Variants in ZNF219 observed in about 807,000 individuals in gnomAD.
ZNF219 encodes the protein zinc finger protein 219.
In ZNF219, 17 loss-of-function variants were observed where a neutral mutation model predicts 54.4. That is an observed-to-expected ratio of 0.31 (90% confidence interval 0.21 to 0.47). ZNF219 has a LOEUF of 0.47. Ranked by LOEUF, ZNF219 falls within the 20% of genes least tolerant of loss-of-function variation. The probability of loss-of-function intolerance (pLI) is 1.00; values close to 1 mark genes in which losing one functional copy is unlikely to be tolerated. For missense variants in ZNF219, 1,014 were observed against 1,062.3 expected (o/e 0.95, Z 0.63); for synonymous variants, 518 against 476.4 (o/e 1.09, Z -1.14).
upstream of ZNF219, chr14:21,101,433 G>A (rs1199167100): frequency 6.4e-7 from 1 of 1,551,490 alleles, no homozygotes; most frequent in Non-Finnish European, 8.7e-7. Context: ...GGCAGAGTGG[G>A]CACCTCTTGG....
In ZNF219 at chr14:21,092,546, C is replaced by T. The variant is rs922729014; in HGVS notation, c.751G>A (p.Glu251Lys). 1 of 1,545,800 alleles carries T rather than the reference C, an allele frequency of 6.5e-7. No individual in the cohort carries two copies. The highest frequency in any genetic ancestry group is 2.0e-5 in the Admixed American group (1 of 50,898). Residue 251 changes from glutamate to lysine, a missense_variant, in exon 3 of 5, where the codon GAG becomes AAG. Physicochemically the swap from Glu to Lys is moderately conservative, Grantham distance 56 (BLOSUM62 1). Coordinates refer to ENST00000360947, the MANE Select transcript of ZNF219 (RefSeq NM_016423.3). ...GTCGGGGTTGCCTCACGTTCGGGCT[C>T]CGGCTCCGGCTCCGGCTGGGGGACT... is the stretch of plus-strand genomic sequence containing the variant. ...RSVPQPEPEP[E>K]PEREATPTPA...
chr14:21,101,148 T>A (rs905351404), upstream of ZNF219: 2 of 504,250 alleles, frequency 4.0e-6, no homozygotes, highest in Non-Finnish European at 7.2e-6. Context: ...AGGACCCAGC[T>A]GGGTCCCATC....
intron 4 of ZNF219, 80 bp from the exon 5 acceptor site, chr14:21,091,220 C>G: frequency 6.6e-7 from 1 of 1,523,358 alleles, no homozygotes; most frequent in Non-Finnish European, 8.8e-7. Context: ...ATTTACAGAC[C>G]TCATTCTCAG....
chr14:21,101,990 A>G (rs1202066516), upstream of ZNF219: 3 of 1,550,868 alleles, frequency 1.9e-6, no homozygotes, highest in Non-Finnish European at 2.6e-6. Context: ...GACCCACCAC[A>G]AGGGAGGGTG....
chr14:21,094,507 G>A (rs1328966865), intron 1 of ZNF219: 1 of 432,094 alleles, frequency 2.3e-6, no homozygotes, highest in Non-Finnish European at 4.6e-6. Flanking sequence ...CAGGGGAGAG[G>A]CTCCCTCACA....
In ZNF219 at chr14:21,095,791, G is replaced by C. The variant is rs114879121; in HGVS notation, c.-83-2117C>G. ...CATAGAAAAAAACCCAGTGGTACCA[G>C]AGGGATTATTTTGGCCTTTTAGATG... On this transcript the variant is annotated intron_variant, in intron 1 of 4. Coordinates refer to ENST00000360947, the MANE Select transcript of ZNF219 (RefSeq NM_016423.3). 4.3e-3 allele frequency among the ~76,000 whole-genome samples: 652 copies of C among 152,274 alleles called. 4 individuals carry two copies. Among genetic ancestry groups the C allele is most frequent in the African/African-American group, 0.015 (632 of 41,556 alleles).
At chr14:21,102,957 A>G, upstream of ZNF219, 1 of 1,358,614 alleles carries the variant, frequency 7.4e-7, no homozygotes, top group African/African-American at 1.5e-5. Flanking sequence ...GGTGGGTAAG[A>G]GGAAACTGGG....
At chr14:21,091,595 GCCGCGCA>G in intron 3 of ZNF219, 53 bp from the exon 4 acceptor site, 2 of 1,555,814 alleles carry the variant, frequency 1.3e-6, no homozygotes, top group Non-Finnish European at 1.7e-6. Context: ...CTGTCCAGGT[GCCGCGCA>G]CCCACCCCAC....
Position 21,090,645 on chromosome 14 carries a change from T to A in ZNF219, c.2060A>T (p.Tyr687Phe), listed in dbSNP as rs1338594767. 1.2e-6 allele frequency: 2 copies of A among 1,612,540 alleles called. No homozygotes were observed. The highest frequency in any genetic ancestry group is 2.2e-5 in the East Asian group (1 of 44,862). The stretch of plus-strand genomic sequence containing the variant: ...GGTCTCTCCTGATGGTACTCGGGCA[T>A]AGGGCGGGGACGCGTCAGCCTGGGG... ...RPPQADASPPYARVPSGETPP... is the reference protein window; with the variant it reads ...RPPQADASPPFARVPSGETPP... Residue 687 changes from tyrosine (Y) to phenylalanine (F), a missense_variant, in exon 5 of 5, where the codon TAT becomes TTT. Around this residue, in one of 5 missense-constraint regions of ZNF219, gnomAD observed 281 missense variants for 271.2 expected, o/e 1.04. Coordinates refer to ENST00000360947, the MANE Select transcript of ZNF219 (RefSeq NM_016423.3). The surrounding 1 kb of genome is among the most constrained non-coding windows in gnomAD (Gnocchi z 4.4).
In ZNF219 at chr14:21,092,493, G is replaced by A; in HGVS notation, c.804C>T (p.Pro268=). The change falls in exon 3 of 5, where the codon CCC becomes CCT. Residue 268 remains proline (P), a synonymous_variant. Transcript: ENST00000360947. ...PTPAPAAPEE[P]PAPPEFRCQV... is the part of the protein sequence containing the mutation. ...GGCAGCGGAACTCCGGAGGCGCTGG[G>A]GGCTCCTCGGGAGCGGCAGGAGCTG... 1 of 1,552,086 alleles carries A rather than the reference G, an allele frequency of 6.4e-7. No individual in the cohort carries two copies.
chr14:21,102,724 A>G, upstream of ZNF219: 1 of 1,551,490 alleles, frequency 6.4e-7, no homozygotes. Flanking sequence ...TTGCTGAGCC[A>G]GAGGAAACCA....
chr14:21,093,939 AC>A (rs909663878), intron 1 of ZNF219: 4 of 406,768 alleles, frequency 9.8e-6, no homozygotes, highest in Admixed American at 7.3e-5. Context: ...CTACCACCCC[AC>A]CCCCTGGCGG....
At chr14:21,102,767 A>G, upstream of ZNF219, 1 of 1,550,252 alleles carries the variant, frequency 6.5e-7, no homozygotes, top group South Asian at 1.2e-5. Context: ...TGCACTATCA[A>G]GAGCTGCAGG....
intron 1 of ZNF219, among the ~76,000 whole-genome samples, 188 bp downstream of exon 1, chr14:21,098,123 GC>G (rs1011946023): frequency 8.0e-6 from 1 of 125,010 alleles, no homozygotes; most frequent in African/African-American, 2.9e-5. Context: ...CCCCCACCCC[GC>G]CCCCCCAGGA....
In ZNF219 at chr14:21,098,438, C is replaced by T. The variant is rs1004609812; in HGVS notation, c.-210G>A. 5.5e-6 allele frequency: 4 copies of T among 723,924 alleles called. No homozygotes were observed. Among genetic ancestry groups the T allele is most frequent in the South Asian group, 6.1e-5 (1 of 16,322 alleles). The allele number at this position is 723,924 out of a possible 1,614,324, so 44.8% of individuals were successfully genotyped here. On this transcript the variant is annotated 5_prime_UTR_variant, in exon 1 of 5. Transcript: ENST00000360947. ...ATGCGCCGGGCCCCGGCCCCCCCGC[C>T]CCCGGCCCGGCCCCCGCCCCCTCCC...
upstream of ZNF219, chr14:21,098,904 C>T (rs1889476986): frequency 8.0e-7 from 1 of 1,255,900 alleles, no homozygotes; most frequent in Non-Finnish European, 1.0e-6. Flanking sequence ...CTCTCCCTTA[C>T]AATTTCTGTC....
chr14:21,093,002 G>C lies in ZNF219; in HGVS notation c.295C>G (p.Leu99Val). 4 of 1,598,526 alleles carry C rather than the reference G, an allele frequency of 2.5e-6. No individual in the cohort carries two copies. Among genetic ancestry groups the C allele is most frequent in the Non-Finnish European group, 3.4e-6 (4 of 1,175,514 alleles). ...HCGHRAAQRA[L>V]LRSHLRTHQP... ...TGTGTGCGCAGGTGCGAGCGCAGCA[G>C]AGCCCGCTGCGCCGCGCGGTGGCCG... The change falls in exon 3 of 5, where the codon CTG (leucine) becomes GTG (valine). Residue 99 changes from leucine to valine, a missense_variant. Leu to Val is a conservative substitution (Grantham distance 32). Coordinates refer to ENST00000360947, the MANE Select transcript of ZNF219 (RefSeq NM_016423.3).
chr14:21,093,585 C>T lies in ZNF219; in HGVS notation c.6+1G>A. On this transcript the variant is annotated splice_donor_variant, in intron 2 of 4. Coordinates refer to ENST00000360947, the MANE Select transcript of ZNF219 (RefSeq NM_016423.3). LOFTEE classifies it high-confidence loss of function. The stretch of plus-strand genomic sequence containing the variant: ...TAGGTTGAAGCCAGAGCTTCACTCA[C>T]CTCCATGGACCCCCTTCACATTCTT... 6.2e-7 allele frequency: 1 copy of T among 1,614,094 alleles called. No individual in the cohort carries two copies. The highest frequency in any genetic ancestry group is 8.5e-7 in the Non-Finnish European group (1 of 1,179,968).
At chr14:21,101,078 C>T (rs1473268094), upstream of ZNF219, 1 of 337,768 alleles carries the variant, frequency 3.0e-6, no homozygotes, top group East Asian at 6.4e-5. Context: ...CCCTGACAGC[C>T]TTCCTCTGCC....
Sources: allele counts gnomAD v4.1 joint callset (sites outside exome capture counted in the v4.1 genomes callset), GRCh38; gene constraint gnomAD v4.1.1; regional missense constraint gnomAD v4.1.1; non-coding constraint Gnocchi (gnomAD v3.1); transcripts MANE v1.5; gene names NCBI Gene and HGNC (gene_info 2026-07-23, HGNC 2026-07-21).